SCGB2B2: variants seen among roughly 807,000 people sequenced by gnomAD.
SCGB2B2 encodes secretoglobin-like protein.
In SCGB2B2, 11 loss-of-function variants were observed where a neutral mutation model predicts 7.6. The observed-to-expected ratio is 1.45, with a 90% CI of 0.91 to 2.40. The LOEUF is 2.40. Among genes scored for constraint, SCGB2B2 ranks in the 30% most tolerant of loss-of-function variants. The pLI is 0.00. For synonymous variants in SCGB2B2, 50 were observed against 48.6 expected (o/e 1.03, Z -0.12); for missense variants, 104 against 115.4 (o/e 0.90, Z 0.45).
intron 1 of SCGB2B2, among the ~76,000 whole-genome samples, chr19:34,636,641 G>A (rs1401473743): frequency 6.6e-6 from 1 of 152,254 alleles, no homozygotes; most frequent in African/African-American, 2.4e-5. Context: ...GGAAATCAGA[G>A]AGGTGGGAGT....
chr19:34,652,577 G>C (rs1333189929), intron 1 of SCGB2B2, among the ~76,000 whole-genome samples: 1 of 151,080 alleles, frequency 6.6e-6, no homozygotes, highest in Admixed American at 6.6e-5. Flanking sequence ...GGGTGGTATG[G>C]CCATAGACAC....
chr19:34,666,878 C>A (rs142132753), intron 1 of SCGB2B2, among the ~76,000 whole-genome samples: 2 of 152,008 alleles, frequency 1.3e-5, no homozygotes, highest in African/African-American at 4.8e-5. Flanking sequence ...ACTCTCCCTG[C>A]AGATCCCAAG....
At chr19:34,643,153 C>T (rs1424124596) in intron 1 of SCGB2B2, among the ~76,000 whole-genome samples, 1 of 152,186 alleles carries the variant, frequency 6.6e-6, no homozygotes, top group African/African-American at 2.4e-5. Context: ...GATACTCATT[C>T]AACCTAAGTG....
intron 1 of SCGB2B2, among the ~76,000 whole-genome samples, chr19:34,639,059 C>T (rs73040301): frequency 1.3e-5 from 2 of 152,114 alleles, no homozygotes; most frequent in African/African-American, 4.8e-5. Flanking sequence ...TCCTGAAAGC[C>T]GTATCCTTTT....
At chr19:34,664,124 C>T (rs186476633) in intron 1 of SCGB2B2, among the ~76,000 whole-genome samples, 6 of 152,344 alleles carry the variant, frequency 3.9e-5, no homozygotes, top group Admixed American at 1.3e-4. Context: ...AGCTCCTCCC[C>T]TAGTGTCAAC....
At chr19:34,662,432 T>C (rs2067484373) in intron 1 of SCGB2B2, among the ~76,000 whole-genome samples, 1 of 151,890 alleles carries the variant, frequency 6.6e-6, no homozygotes, top group South Asian at 2.1e-4. Flanking sequence ...GACCATGACA[T>C]GAGAATCTTT....
intron 1 of SCGB2B2, among the ~76,000 whole-genome samples, chr19:34,613,471 A>C (rs895132698): frequency 6.6e-6 from 1 of 152,158 alleles, no homozygotes; most frequent in Non-Finnish European, 1.5e-5. Flanking sequence ...CATATTTTTG[A>C]GTCATTTAAA....
intron 1 of SCGB2B2, among the ~76,000 whole-genome samples, chr19:34,607,425 G>C (rs2065812346): frequency 6.6e-6 from 1 of 152,062 alleles, no homozygotes; most frequent in Non-Finnish European, 1.5e-5. Context: ...TGAACCTAGG[G>C]GTGCCTATCT....
downstream of SCGB2B2, among the ~76,000 whole-genome samples, chr19:34,588,133 C>A (rs1215347948): frequency 6.6e-6 from 1 of 152,198 alleles, no homozygotes; most frequent in East Asian, 1.9e-4. Flanking sequence ...TGGCGGAATT[C>A]TGCAGTGAAG....
At chr19:34,669,528 A>G (rs892682715) in intron 1 of SCGB2B2, among the ~76,000 whole-genome samples, 2 of 152,166 alleles carry the variant, frequency 1.3e-5, no homozygotes, top group African/African-American at 4.8e-5. Context: ...GCACACATGG[A>G]CCTGCAGGCT....
chr19:34,658,368 A>G (rs756494979), intron 1 of SCGB2B2, among the ~76,000 whole-genome samples: 4 of 152,218 alleles, frequency 2.6e-5, no homozygotes, highest in Admixed American at 6.5e-5. Flanking sequence ...CTAATAAACA[A>G]GAAAAGAGAG....
intron 1 of SCGB2B2, among the ~76,000 whole-genome samples, chr19:34,617,326 GT>G (rs1358066282): frequency 6.6e-6 from 1 of 151,428 alleles, no homozygotes; most frequent in African/African-American, 2.4e-5. Context: ...AGCATGGAAT[GT>G]TCTTCCATTT....
At chr19:34,648,968 T>A (rs1160084946) in intron 1 of SCGB2B2, among the ~76,000 whole-genome samples, 2 of 152,164 alleles carry the variant, frequency 1.3e-5, no homozygotes. Flanking sequence ...AGTGGTGCGA[T>A]CTCAACTCAC....
At position 34,665,237 on chromosome 19, in the gene SCGB2B2, C is replaced by T. The variant is rs116898226; in HGVS notation, c.-2032+10393G>A. On this transcript the variant is annotated intron_variant, in intron 1 of 3. Coordinates refer to ENST00000601241, the MANE Select transcript of SCGB2B2 (RefSeq NM_001025591.4). ...GCATCTGTTGTCCAGAGCCCTTGGT[C>T]ACAAGGCGTGCAGCCTGGACCACAG... Among the ~76,000 whole-genome samples the T allele has an allele frequency of 7.9e-3, 1,210 of 152,354 alleles. 12 individuals are homozygous for T. Among genetic ancestry groups the T allele is most frequent in the Admixed American group, 0.012 (189 of 15,312 alleles).
intron 1 of SCGB2B2, among the ~76,000 whole-genome samples, chr19:34,637,480 G>A (rs139056251): frequency 2.8e-3 from 421 of 152,286 alleles, no homozygotes; most frequent in Non-Finnish European, 5.1e-3. Context: ...CTTACCCAGC[G>A]AGGCCACAAG....
intron 1 of SCGB2B2, among the ~76,000 whole-genome samples, chr19:34,663,445 A>T (rs2067520008): frequency 6.6e-6 from 1 of 152,248 alleles, no homozygotes; most frequent in Non-Finnish European, 1.5e-5. Flanking sequence ...AAAGTAAGAT[A>T]CAGGAGAACA....
intron 1 of SCGB2B2, among the ~76,000 whole-genome samples, chr19:34,632,228 C>T (rs899455565): frequency 3.9e-5 from 6 of 152,018 alleles, no homozygotes; most frequent in Admixed American, 2.6e-4. Context: ...AGATATGTAC[C>T]AAAAATATGT....
rs1052183725 is a variant in SCGB2B2 at position 34,676,264 on chromosome 19, C to T, written c.-2666G>A. 3.9e-5 allele frequency: 6 copies of T among 152,214 alleles called. No individual in the cohort carries two copies. Among genetic ancestry groups the T allele is most frequent in the African/African-American group, 1.4e-4 (6 of 41,440 alleles). 9.4% of individuals were successfully genotyped at this position (152,214 alleles called of 1,614,324 possible). Reference sequence around the variant, plus strand: ...TACAGAAAAGTTCTCCAAGGCCCCACCTGATCCAGAAGCCCAGCTGGCTTC... The same window carrying T: ...TACAGAAAAGTTCTCCAAGGCCCCATCTGATCCAGAAGCCCAGCTGGCTTC... On this transcript the variant is annotated 5_prime_UTR_variant, in exon 1 of 4. The change creates a new upstream start codon in the 5' untranslated region. Transcript: ENST00000601241.
chr19:34,649,031 T>G (rs2067095628), intron 1 of SCGB2B2, among the ~76,000 whole-genome samples: 1 of 152,208 alleles, frequency 6.6e-6, no homozygotes, highest in Non-Finnish European at 1.5e-5. Context: ...GCCTCCCAAG[T>G]AGCTGGGATT....
Sources: gnomAD v4.1 joint callset for allele counts (sites outside exome capture counted in the v4.1 genomes callset) on GRCh38, gnomAD v4.1.1 for gene constraint, MANE v1.5 for transcripts, NCBI Gene and HGNC (gene_info 2026-07-23, HGNC 2026-07-21) for gene names.